Variants in MCC observed in about 807,000 individuals in gnomAD.
MCC encodes colorectal mutant cancer protein.
A neutral mutation model predicts 116.2 loss-of-function variants in MCC; 90 were observed. The ratio of observed to expected loss-of-function variants is 0.77; its 90% confidence interval spans 0.65 to 0.92. MCC has a LOEUF of 0.92. Among genes scored for constraint, MCC ranks in the 40% least tolerant of loss-of-function variants. The probability of loss-of-function intolerance (pLI) is 0.00; values close to 1 mark genes in which losing one functional copy is unlikely to be tolerated. For synonymous variants in MCC, 578 were observed against 510.5 expected (o/e 1.13, Z -1.78); for missense variants, 1,516 against 1,312.2 (o/e 1.16, Z -2.40).
intron 1 of MCC, among the ~76,000 whole-genome samples, chr5:113,399,089 T>C (rs1307013306): frequency 1.3e-5 from 2 of 152,260 alleles, no homozygotes; most frequent in African/African-American, 4.8e-5. Flanking sequence ...GAATATGTTT[T>C]GTTCATCACA....
At chr5:113,149,843 C>T (rs1759741473) in intron 4 of MCC, among the ~76,000 whole-genome samples, 1 of 152,124 alleles carries the variant, frequency 6.6e-6, no homozygotes, top group Admixed American at 6.5e-5. Flanking sequence ...ATCTGAGTGG[C>T]ATCAGCTTGG....
At chr5:113,121,353 T>C (rs1304218190) in intron 6 of MCC, among the ~76,000 whole-genome samples, 1 of 152,248 alleles carries the variant, frequency 6.6e-6, no homozygotes, top group Non-Finnish European at 1.5e-5. Flanking sequence ...AGGCCAAACA[T>C]GGTCTCTGTC....
intron 8 of MCC, among the ~76,000 whole-genome samples, chr5:113,087,848 T>G (rs1755312387): frequency 6.6e-6 from 1 of 151,988 alleles, no homozygotes; most frequent in Non-Finnish European, 1.5e-5. Flanking sequence ...AAGACTTCAT[T>G]AAAACTATCC....
chr5:113,170,984 C>A (rs1761043891), intron 3 of MCC, among the ~76,000 whole-genome samples: 1 of 152,078 alleles, frequency 6.6e-6, no homozygotes, highest in Non-Finnish European at 1.5e-5. Context: ...GTACATGCGT[C>A]CCTAAAGCTT....
intron 1 of MCC, among the ~76,000 whole-genome samples, chr5:113,396,715 C>T (rs1053410306): frequency 6.6e-6 from 1 of 152,162 alleles, no homozygotes; most frequent in Non-Finnish European, 1.5e-5. Context: ...AAGGATTCCT[C>T]TGGAATTTAA....
At chr5:113,087,434 G>A (rs1345071889) in intron 8 of MCC, among the ~76,000 whole-genome samples, 1 of 152,128 alleles carries the variant, frequency 6.6e-6, no homozygotes, top group Admixed American at 6.5e-5. Flanking sequence ...AAGCCAAATG[G>A]TACTGCTGAT....
chr5:113,292,815 C>T (rs916168858), intron 3 of MCC, among the ~76,000 whole-genome samples: 5 of 152,174 alleles, frequency 3.3e-5, no homozygotes, highest in Non-Finnish European at 7.3e-5. Context: ...GAAATGCCTT[C>T]AGTTTTGGGG....
chr5:113,332,832 C>T (rs1198657268), intron 3 of MCC, among the ~76,000 whole-genome samples: 1 of 151,592 alleles, frequency 6.6e-6, no homozygotes, highest in Non-Finnish European at 1.5e-5. Context: ...AGCAAATAGC[C>T]AAACAAAGCT....
chr5:113,071,988 G>C (rs1019241234), intron 11 of MCC, among the ~76,000 whole-genome samples: 1 of 152,222 alleles, frequency 6.6e-6, no homozygotes, highest in African/African-American at 2.4e-5. Context: ...ACAAGATTCA[G>C]AACTGTAGAT....
At chr5:113,379,541 G>A (rs7720243) in intron 2 of MCC, among the ~76,000 whole-genome samples, 4,047 of 152,226 alleles carry the variant, frequency 0.027, 188 homozygotes, top group African/African-American at 0.092. Flanking sequence ...GCAACTCAGT[G>A]GTGAAATTGG....
rs1772614878 is a variant in MCC at position 113,488,366 on chromosome 5, C to CGCCGCTGCTGGAGCTCCCCGCA, written c.27_48dup (p.Gly17CysfsTer50). 1 of 1,520,480 alleles carries CGCCGCTGCTGGAGCTCCCCGCA rather than the reference C, an allele frequency of 6.6e-7. No individual in the cohort carries two copies. Among genetic ancestry groups the CGCCGCTGCTGGAGCTCCCCGCA allele is most frequent in the Middle Eastern group, 1.7e-4 (1 of 5,770 alleles). The allele number at this position is 1,520,480 out of a possible 1,614,324, so 94.2% of individuals were successfully genotyped here. A position where few individuals can be genotyped will look rare whatever the true frequency, so the allele number is the denominator to read the frequency against. ...CTGCTGCCGCTGCCGCCGCCGCCGC[C>CGCCGCTGCTGGAGCTCCCCGCA]GCCGCTGCTGGAGCTCCCCGCAGCC... On this transcript the variant is annotated frameshift_variant, in exon 1 of 19. Transcript: ENST00000408903. LOFTEE classifies it high-confidence loss of function.
intron 1 of MCC, among the ~76,000 whole-genome samples, chr5:113,446,993 G>T (rs1771239710): frequency 6.6e-6 from 1 of 152,014 alleles, no homozygotes; most frequent in Non-Finnish European, 1.5e-5. Flanking sequence ...TCTAGTAACT[G>T]GTCCAACCCT....
At chr5:113,223,932 C>G (rs1172483311) in intron 3 of MCC, among the ~76,000 whole-genome samples, 1 of 152,146 alleles carries the variant, frequency 6.6e-6, no homozygotes. Context: ...AGGCCAAGGA[C>G]TCCTAGACCT....
chr5:113,336,744 T>A (rs1767878685), intron 3 of MCC, among the ~76,000 whole-genome samples: 1 of 152,240 alleles, frequency 6.6e-6, no homozygotes, highest in African/African-American at 2.4e-5. Context: ...GCCATTTTGC[T>A]ACTTCGATAA....
At chr5:113,065,438 C>T (rs1330624986) in intron 13 of MCC, among the ~76,000 whole-genome samples, 1 of 152,206 alleles carries the variant, frequency 6.6e-6, no homozygotes, top group Non-Finnish European at 1.5e-5. Context: ...GCTACCTGTA[C>T]AGCACAGATC....
chr5:113,274,282 T>A (rs186614080), intron 3 of MCC, among the ~76,000 whole-genome samples: 2 of 152,336 alleles, frequency 1.3e-5, no homozygotes, highest in Admixed American at 1.3e-4. Context: ...GCAAACCAAC[T>A]TCCCCCTAGG....
At chr5:113,066,322 C>A (rs923805543) in intron 13 of MCC, among the ~76,000 whole-genome samples, 5 of 152,000 alleles carry the variant, frequency 3.3e-5, no homozygotes, top group Admixed American at 3.3e-4. Flanking sequence ...TTTCTTAATA[C>A]GTATATTAAT....
intron 3 of MCC, among the ~76,000 whole-genome samples, chr5:113,253,302 C>T (rs375209326): frequency 1.2e-4 from 18 of 152,148 alleles, no homozygotes; most frequent in African/African-American, 3.9e-4. Context: ...TTAGCATGGC[C>T]TCCTTTTCAC....
chr5:113,414,328 A>G (rs1262397974), intron 1 of MCC, among the ~76,000 whole-genome samples: 1 of 152,090 alleles, frequency 6.6e-6, no homozygotes, highest in African/African-American at 2.4e-5. Flanking sequence ...ATCCTTGTTA[A>G]CCTTCTGTCT....
Sources: gnomAD v4.1 joint callset for allele counts (sites outside exome capture counted in the v4.1 genomes callset) on GRCh38, gnomAD v4.1.1 for gene constraint, MANE v1.5 for transcripts, NCBI Gene and HGNC (gene_info 2026-07-23, HGNC 2026-07-21) for gene names.